Variants in PGAP1 observed in about 807,000 individuals in gnomAD.
PGAP1 encodes GPI inositol-deacylase.
In PGAP1, 76 loss-of-function variants were observed where a neutral mutation model predicts 127.0. The observed-to-expected ratio is 0.60, with a 90% CI of 0.50 to 0.72. The LOEUF (loss-of-function observed/expected upper bound fraction) is 0.72, where lower values mean the gene tolerates loss of function less well. PGAP1 is among the 30% of genes least tolerant of loss of function. The pLI is 0.00. For missense variants in PGAP1, 982 were observed against 1,071.3 expected, an observed-to-expected ratio of 0.92 and a Z score of 1.16; for synonymous variants, 362 against 366.5, an observed-to-expected ratio of 0.99 and a Z score of 0.14.
In PGAP1 at chr2:196,861,269, GC is replaced by G. The variant is rs1701055254; in HGVS notation, c.1861+3717del. 2.0e-5 allele frequency among the ~76,000 whole-genome samples: 3 copies of G among 152,066 alleles called. No individual in the cohort carries two copies. In the South Asian group the frequency reaches 6.2e-4, roughly 31 times the overall value. ...GAAATGCTTTGGGACACTGGTCTGG[GC>G]AAAAATTTTTTGGGTAAGACCTCAA... is the stretch of plus-strand genomic sequence containing the variant. On this transcript the variant is annotated intron_variant, in intron 20 of 26. Coordinates refer to ENST00000354764, the MANE Select transcript of PGAP1 (RefSeq NM_024989.4).
chr2:196,875,737 A>G lies in PGAP1; in HGVS notation c.1426+9T>C, dbSNP rs549196137. ...CAATTCTTATGCTTTCCAAAAACAA[A>G]GTACTTACCAAAGGAAAAAAGATGA... On this transcript the variant is annotated intron_variant, in intron 14 of 26. Transcript: ENST00000354764. The G allele has an allele frequency of 2.0e-6, 3 of 1,491,212 alleles. No homozygotes were observed. The East Asian group carries it at 6.8e-5, about 34-fold the overall frequency. The allele number at this position is 1,491,212 out of a possible 1,614,324, so 92.4% of individuals were successfully genotyped here. A position where few individuals can be genotyped will look rare whatever the true frequency, so the allele number is the denominator to read the frequency against.
intron 13 of PGAP1, among the ~76,000 whole-genome samples, chr2:196,877,373 A>C (rs1254597456): frequency 6.6e-6 from 1 of 152,100 alleles, no homozygotes; most frequent in African/African-American, 2.4e-5. Flanking sequence ...TGAAAGACTT[A>C]AGTTATAATT....
intron 2 of PGAP1, among the ~76,000 whole-genome samples, 156 bp from the exon 3 acceptor site, chr2:196,916,749 A>G (rs1258917422): frequency 6.6e-6 from 1 of 152,324 alleles, no homozygotes; most frequent in Non-Finnish European, 1.5e-5. Flanking sequence ...TTTAGAACAA[A>G]CTAATCTAGC....
chr2:196,881,106 T>A (rs1162737635), intron 12 of PGAP1, among the ~76,000 whole-genome samples: 2 of 152,190 alleles, frequency 1.3e-5, no homozygotes, highest in Non-Finnish European at 2.9e-5. Flanking sequence ...CACTTATAAG[T>A]GAGAAGATGC....
intron 19 of PGAP1, among the ~76,000 whole-genome samples, chr2:196,868,654 A>C (rs1181198501): frequency 1.3e-5 from 2 of 152,230 alleles, no homozygotes; most frequent in Non-Finnish European, 2.9e-5. Flanking sequence ...CTCTTGAGAA[A>C]GTAACTTTCA....
In PGAP1 at chr2:196,836,432, A is replaced by G. The variant is rs1700237196; in HGVS notation, c.*4802T>C. 6.6e-6 allele frequency: 1 copy of G among 152,340 alleles called. No individual in the cohort carries two copies. The highest frequency in any genetic ancestry group is 2.4e-5 in the African/African-American group (1 of 41,454). The allele number at this position is 152,340 out of a possible 1,614,324, so 9.4% of individuals were successfully genotyped here. A position where few individuals can be genotyped will look rare whatever the true frequency, so the allele number is the denominator to read the frequency against. On this transcript the variant is annotated 3_prime_UTR_variant, in exon 27 of 27. Coordinates refer to ENST00000354764, the MANE Select transcript of PGAP1 (RefSeq NM_024989.4). ...TTCTGTTGTCAAAACTAAGTTATTA[A>G]CAGATAATAAATTCATATAAGTTCT...
rs3795918 is a variant in PGAP1 at position 196,847,382 on chromosome 2, C to T, written c.1953-182G>A. ...ACAAGTCATTTATTTTCCAAGTGAG[C>T]CTACTGATCTTTGAAGATCTGCATT... On this transcript the variant is annotated intron_variant, in intron 21 of 26. Transcript: ENST00000354764. 0.088 allele frequency: 43,026 copies of T among 488,612 alleles called. 2,322 individuals are homozygous for T. The highest frequency in any genetic ancestry group is 0.17 in the African/African-American group (8,783 of 50,822). 30.3% of individuals were successfully genotyped at this position (488,612 alleles called of 1,614,324 possible). A position where few individuals can be genotyped will look rare whatever the true frequency, so the allele number is the denominator to read the frequency against.
In PGAP1 at chr2:196,844,564, A is replaced by G; in HGVS notation, c.2297T>C (p.Leu766Pro). 1.1e-5 allele frequency: 17 copies of G among 1,597,018 alleles called. No homozygotes were observed. Among genetic ancestry groups the G allele is most frequent in the Non-Finnish European group, 1.4e-5 (17 of 1,173,474 alleles). Residue 766 changes from leucine (L) to proline (P), a missense_variant, in exon 24 of 27, where the codon CTG (leucine) becomes CCG (proline). Physicochemically the swap from Leu to Pro is moderately conservative, Grantham distance 98. Transcript: ENST00000354764. ...YLYYVFKVVH[L>P]QASLTTFKNS... is the part of the protein sequence containing the mutation. ...CTTAAAAGTTGTTAAGCTGGCTTGCAGATGAACAACCTAAGAAAAATAAAT... is the reference window on the plus strand; with the variant it reads ...CTTAAAAGTTGTTAAGCTGGCTTGCGGATGAACAACCTAAGAAAAATAAAT...
intron 1 of PGAP1, among the ~76,000 whole-genome samples, chr2:196,922,925 A>C (rs1442003102): frequency 6.6e-6 from 1 of 151,940 alleles, no homozygotes; most frequent in Non-Finnish European, 1.5e-5. Flanking sequence ...CCTGGGCTCA[A>C]GTGATCTGCC....
chr2:196,893,268 C>A, intron 7 of PGAP1, 23 bp from the exon 8 acceptor site: 2 of 1,256,130 alleles, frequency 1.6e-6, no homozygotes, highest in Non-Finnish European at 2.3e-6. Context: ...TTGATACATT[C>A]TGTATCATTT....
chr2:196,898,348 A>C lies in PGAP1; in HGVS notation c.829T>G (p.Trp277Gly). The C allele has an allele frequency of 3.1e-6, 5 of 1,611,312 alleles. No homozygotes were observed. Among genetic ancestry groups the C allele is most frequent in the Non-Finnish European group, 4.2e-6 (5 of 1,178,114 alleles). ...SVVSSAVPKT[W>G]VSTDHLSIVW... ...ATGGAGAGGTGGTCTGTTGAGACCC[A>C]GGTCTTAGGCACTGCTGAACTCTAA... The change falls in exon 6 of 27, where the codon TGG (tryptophan) becomes GGG (glycine). Residue 277 changes from tryptophan to glycine, a missense_variant. By Grantham distance (184) the Trp-to-Gly change is radical. Transcript: ENST00000354764.
chr2:196,853,610 A>G (rs1402328213), intron 20 of PGAP1, among the ~76,000 whole-genome samples: 1 of 152,214 alleles, frequency 6.6e-6, no homozygotes, highest in Non-Finnish European at 1.5e-5. Context: ...ATGCAGTCAC[A>G]CTGCAACAGA....
At chr2:196,886,604 T>A (rs2125813248) in intron 10 of PGAP1, among the ~76,000 whole-genome samples, 1 of 152,330 alleles carries the variant, frequency 6.6e-6, no homozygotes, top group Non-Finnish European at 1.5e-5. Flanking sequence ...GGAGGTAGAC[T>A]TTTATACAAA....
intron 3 of PGAP1, among the ~76,000 whole-genome samples, chr2:196,914,858 G>A (rs1349313995): frequency 6.7e-6 from 1 of 149,284 alleles, no homozygotes; most frequent in African/African-American, 2.5e-5. Context: ...CTGTCACCCA[G>A]GCTGGAGCGC....
intron 20 of PGAP1, among the ~76,000 whole-genome samples, chr2:196,850,534 C>A (rs970265603): frequency 6.6e-6 from 1 of 152,026 alleles, no homozygotes; most frequent in African/African-American, 2.4e-5. Context: ...TTAAGAGGAT[C>A]CCAAACTCTT....
rs1297429155 is a variant in PGAP1 at position 196,870,954 on chromosome 2, T to A, written c.1754A>T (p.Gln585Leu). Reference protein sequence around the residue: ...YEVTVKTSFSQILGQVVRFHG... With the variant: ...YEVTVKTSFSLILGQVVRFHG... The stretch of plus-strand genomic sequence containing the variant: ...AATCTCTCTTACCTGTCCAAGTATT[T>A]GTGAAAAGGAAGTCTTAACTGTCAC... The change falls in exon 19 of 27, where the codon CAA (glutamine) becomes CTA (leucine). Residue 585 changes from glutamine (Q) to leucine (L), a missense_variant. Transcript: ENST00000354764. 6.2e-7 allele frequency: 1 copy of A among 1,608,006 alleles called. No homozygotes were observed.
At chr2:196,845,233 T>C (rs1700523133) in intron 23 of PGAP1, among the ~76,000 whole-genome samples, 1 of 151,874 alleles carries the variant, frequency 6.6e-6, no homozygotes, top group East Asian at 1.9e-4. Flanking sequence ...ATATATGATA[T>C]GCATGTATTT....
At chr2:196,916,087 G>C (rs970284508) in intron 3 of PGAP1, among the ~76,000 whole-genome samples, 7 of 152,178 alleles carry the variant, frequency 4.6e-5, no homozygotes, top group African/African-American at 1.7e-4. Context: ...GTTTACATAT[G>C]CAGGTGTTCT....
intron 20 of PGAP1, 80 bp downstream of exon 20, chr2:196,864,907 T>C: frequency 1.5e-6 from 1 of 655,000 alleles, no homozygotes; most frequent in East Asian, 3.3e-5. Flanking sequence ...ATTATATATA[T>C]AAACACATAT....
Sources: allele counts gnomAD v4.1 joint callset (sites outside exome capture counted in the v4.1 genomes callset), GRCh38; gene constraint gnomAD v4.1.1; transcripts MANE v1.5; gene names NCBI Gene and HGNC (gene_info 2026-07-23, HGNC 2026-07-21).